SLC35F4: variants seen among roughly 807,000 people sequenced by gnomAD.
SLC35F4 encodes chromosome 14 open reading frame 36.
A neutral mutation model predicts 44.2 loss-of-function variants in SLC35F4; 24 were observed. The observed-to-expected ratio is 0.54, with a 90% CI of 0.39 to 0.76. The LOEUF (loss-of-function observed/expected upper bound fraction) is 0.76. Ranked by LOEUF, SLC35F4 falls within the 30% of genes least tolerant of loss-of-function variation. The pLI is 0.00. For missense variants in SLC35F4, 562 were observed against 586.1 expected, an observed-to-expected ratio of 0.96 and a Z score of 0.42; for synonymous variants, 238 against 223.6, an observed-to-expected ratio of 1.06 and a Z score of -0.57.
intron 1 of SLC35F4, among the ~76,000 whole-genome samples, chr14:57,850,292 A>G (rs920148225): frequency 6.6e-6 from 1 of 152,214 alleles, no homozygotes; most frequent in Non-Finnish European, 1.5e-5. Context: ...TGCCTTACAC[A>G]TCAGCATGTA....
At chr14:57,666,928 T>C (rs949216997) in intron 1 of SLC35F4, among the ~76,000 whole-genome samples, 8 of 151,954 alleles carry the variant, frequency 5.3e-5, no homozygotes, top group Admixed American at 3.3e-4. Flanking sequence ...AACAAGAAAC[T>C]ACAAAGCAGA....
intron 1 of SLC35F4, among the ~76,000 whole-genome samples, chr14:57,692,572 C>T (rs1393146342): frequency 6.6e-6 from 1 of 152,028 alleles, no homozygotes; most frequent in Non-Finnish European, 1.5e-5. Context: ...AAGAGATTCC[C>T]TGGCACTCTC....
intron 1 of SLC35F4, among the ~76,000 whole-genome samples, chr14:57,816,231 C>T (rs979979): frequency 0.48 from 73,257 of 151,972 alleles, 20,315 homozygotes; most frequent in African/African-American, 0.75. Context: ...CATAACACAA[C>T]GTAATGTCTT....
intron 2 of SLC35F4, among the ~76,000 whole-genome samples, chr14:57,593,720 T>C (rs1443564554): frequency 1.3e-5 from 2 of 152,216 alleles, no homozygotes; most frequent in Non-Finnish European, 2.9e-5. Flanking sequence ...GTTACTCAAC[T>C]ACAGGTTTTG....
intron 1 of SLC35F4, among the ~76,000 whole-genome samples, chr14:57,853,017 C>G (rs1240802213): frequency 2.6e-5 from 4 of 152,206 alleles, no homozygotes; most frequent in Non-Finnish European, 5.9e-5. Flanking sequence ...GTGTAATGTT[C>G]AATCTCTGTT....
chr14:57,751,022 C>T (rs1188436120), intron 1 of SLC35F4, among the ~76,000 whole-genome samples: 2 of 152,186 alleles, frequency 1.3e-5, no homozygotes, highest in Non-Finnish European at 2.9e-5. Context: ...ACGTTACTTA[C>T]AGCATCAGCA....
intron 1 of SLC35F4, among the ~76,000 whole-genome samples, chr14:57,904,240 T>C (rs808213): frequency 0.36 from 55,416 of 152,064 alleles, 10,570 homozygotes; most frequent in East Asian, 0.7. Context: ...GGTAAAGTTA[T>C]ACTAATGTGC....
intron 1 of SLC35F4, among the ~76,000 whole-genome samples, chr14:57,656,659 T>TG (rs1362555860): frequency 1.3e-5 from 2 of 152,006 alleles, no homozygotes; most frequent in Non-Finnish European, 2.9e-5. Context: ...CTCTGTAAAG[T>TG]GGGGATAACA....
intron 1 of SLC35F4, among the ~76,000 whole-genome samples, chr14:57,621,690 G>A (rs865861090): frequency 8.5e-5 from 13 of 152,078 alleles, no homozygotes; most frequent in African/African-American, 2.7e-4. Flanking sequence ...AGACTTAAAC[G>A]TTAGACCTAA....
At chr14:57,645,047 G>C (rs918160787) in intron 1 of SLC35F4, among the ~76,000 whole-genome samples, 21 of 152,180 alleles carry the variant, frequency 1.4e-4, no homozygotes, top group Non-Finnish European at 2.9e-4. Flanking sequence ...TTTAAAGTCA[G>C]GTAGTGTTAT....
chr14:57,861,415 T>A (rs1395260115), intron 1 of SLC35F4, among the ~76,000 whole-genome samples: 1 of 152,208 alleles, frequency 6.6e-6, no homozygotes, highest in Non-Finnish European at 1.5e-5. Flanking sequence ...CTTTCTCTAT[T>A]GAATCATTCT....
chr14:57,948,536 G>C (rs1264250394), intron 1 of SLC35F4, among the ~76,000 whole-genome samples: 1 of 151,684 alleles, frequency 6.6e-6, no homozygotes, highest in African/African-American at 2.4e-5. Context: ...ATTTTATTTA[G>C]TTCTGCTCTA....
intron 1 of SLC35F4, among the ~76,000 whole-genome samples, chr14:57,608,459 AG>A (rs1408230845): frequency 1.3e-5 from 2 of 152,198 alleles, no homozygotes; most frequent in Non-Finnish European, 2.9e-5. Flanking sequence ...GGAATGCCAA[AG>A]ATTGCCAAAA....
chr14:57,704,123 T>C (rs2075610506), intron 1 of SLC35F4, among the ~76,000 whole-genome samples: 1 of 152,240 alleles, frequency 6.6e-6, no homozygotes, highest in Admixed American at 6.5e-5. Flanking sequence ...TATTTTATTT[T>C]GGTGTGAAGA....
intron 1 of SLC35F4, among the ~76,000 whole-genome samples, chr14:57,817,836 A>AG (rs1339963099): frequency 6.6e-6 from 1 of 152,144 alleles, no homozygotes; most frequent in Non-Finnish European, 1.5e-5. Flanking sequence ...GTATTGAGGT[A>AG]GGAGTCAGAA....
At chr14:57,920,468 G>A (rs545108531) in intron 1 of SLC35F4, among the ~76,000 whole-genome samples, 86 of 152,308 alleles carry the variant, frequency 5.6e-4, no homozygotes, top group Non-Finnish European at 1.1e-3. Flanking sequence ...AGCTATTCAG[G>A]AGGCTAAGGC....
intron 1 of SLC35F4, among the ~76,000 whole-genome samples, chr14:57,720,771 C>G (rs2076064456): frequency 6.6e-6 from 1 of 151,796 alleles, no homozygotes; most frequent in African/African-American, 2.4e-5. Context: ...GCCAGCATGG[C>G]TAGAATATAA....
chr14:57,572,699 T>C (rs74357679), intron 4 of SLC35F4, among the ~76,000 whole-genome samples: 1 of 152,240 alleles, frequency 6.6e-6, no homozygotes, highest in African/African-American at 2.4e-5. Context: ...TTAATTACTC[T>C]AGAGCATTAA....
chr14:57,708,741 G>A (rs1092057), intron 1 of SLC35F4, among the ~76,000 whole-genome samples: 80,763 of 151,848 alleles, frequency 0.53, 21,831 homozygotes, highest in Non-Finnish European at 0.58. Context: ...ACCAAGACAC[G>A]GAGACCAGTA....
Sources: gnomAD v4.1 joint callset for allele counts (sites outside exome capture counted in the v4.1 genomes callset) on GRCh38, gnomAD v4.1.1 for gene constraint, MANE v1.5 for transcripts, NCBI Gene and HGNC (gene_info 2026-07-23, HGNC 2026-07-21) for gene names.